LRRC63: variants seen among roughly 807,000 people sequenced by gnomAD.
The protein encoded by LRRC63 is leucine rich repeat containing 63, also known as leucine-rich repeat-containing protein 63.
LRRC63 carries 40 observed loss-of-function variants against 49.5 expected under a neutral mutation model. The observed-to-expected ratio is 0.81, with a 90% CI of 0.63 to 1.05. LRRC63 has a LOEUF of 1.05. LRRC63 is among the 50% of genes least tolerant of loss of function. The pLI is 0.00. For synonymous variants in LRRC63, 191 were observed against 221.1 expected, an observed-to-expected ratio of 0.86 and a Z score of 1.21; for missense variants, 636 against 663.1, an observed-to-expected ratio of 0.96 and a Z score of 0.45.
intron 7 of LRRC63, among the ~76,000 whole-genome samples, chr13:46,258,068 C>G (rs1174540058): frequency 1.3e-5 from 2 of 150,848 alleles, no homozygotes; most frequent in Admixed American, 1.3e-4. Context: ...AAGACACTTT[C>G]AGAGGCAAGT....
At chr13:46,266,478 G>C (rs1179753166) in intron 8 of LRRC63, among the ~76,000 whole-genome samples, 2 of 152,094 alleles carry the variant, frequency 1.3e-5, no homozygotes, top group African/African-American at 4.8e-5. Flanking sequence ...TTTCCATAGT[G>C]ATGACATATT....
At chr13:46,212,730 G>C (rs1260200406) in intron 1 of LRRC63, among the ~76,000 whole-genome samples, 1 of 152,132 alleles carries the variant, frequency 6.6e-6, no homozygotes, top group Non-Finnish European at 1.5e-5. Flanking sequence ...TACTAACATG[G>C]AAAATTGTAG....
At chr13:46,221,681 G>A (rs1485763561) in intron 2 of LRRC63, among the ~76,000 whole-genome samples, 1 of 152,148 alleles carries the variant, frequency 6.6e-6, no homozygotes, top group Admixed American at 6.5e-5. Context: ...AGTGCCATAT[G>A]GATCAAAGTT....
chr13:46,212,859 CTTTT>C, intron 1 of LRRC63, 139 bp from the exon 2 acceptor site: 2 of 501,448 alleles, frequency 4.0e-6, no homozygotes, highest in Non-Finnish European at 7.0e-6. Context: ...TTCTTACCCT[CTTTT>C]TTTTTCATAA....
chr13:46,242,080 A>G (rs1307208022), intron 5 of LRRC63, among the ~76,000 whole-genome samples: 1 of 152,216 alleles, frequency 6.6e-6, no homozygotes, highest in Non-Finnish European at 1.5e-5. Flanking sequence ...CACATCGATG[A>G]TAGACTGGAT....
intron 4 of LRRC63, among the ~76,000 whole-genome samples, chr13:46,229,445 G>A (rs1217205516): frequency 2.6e-5 from 4 of 152,220 alleles, no homozygotes; most frequent in African/African-American, 9.6e-5. Context: ...AAGAAGGGAA[G>A]CTCTGCCTTT....
intron 2 of LRRC63, among the ~76,000 whole-genome samples, chr13:46,216,731 G>C (rs2046262140): frequency 6.6e-6 from 1 of 151,980 alleles, no homozygotes; most frequent in African/African-American, 2.4e-5. Context: ...TATGATATTG[G>C]TTGTGGGTTT....
chr13:46,264,685 G>A (rs2047659216), intron 8 of LRRC63, among the ~76,000 whole-genome samples: 1 of 138,712 alleles, frequency 7.2e-6, no homozygotes, highest in Non-Finnish European at 1.5e-5. Flanking sequence ...CCTTTGCTTT[G>A]TGTGTTCTAT....
Position 46,250,389 on chromosome 13 carries a change from T to C in LRRC63, c.1124T>C (p.Leu375Ser), listed in dbSNP as rs1356538554. The change falls in exon 7 of 10, where the codon TTG becomes TCG. Residue 375 changes from leucine (L) to serine (S), a missense_variant. Physicochemically the swap from Leu to Ser is moderately radical, Grantham distance 145. Transcript: ENST00000595396. The stretch of plus-strand genomic sequence containing the variant: ...CTTAAAAATTTACAAATACTGAAAT[T>C]GAGAAATAATCCTATCAAAGAAATT... The C allele has an allele frequency of 5.3e-6, 8 of 1,522,506 alleles. No homozygotes were observed. In the Admixed American group the frequency reaches 1.0e-4, roughly 19 times the overall value. The allele number at this position is 1,522,506 out of a possible 1,614,324, so 94.3% of individuals were successfully genotyped here.
intron 5 of LRRC63, among the ~76,000 whole-genome samples, chr13:46,237,601 G>A (rs2046939329): frequency 6.6e-6 from 1 of 151,888 alleles, no homozygotes; most frequent in South Asian, 2.1e-4. Context: ...AATGATAAGA[G>A]CAGAGATAAA....
At chr13:46,236,548 T>C (rs1361454009) in intron 5 of LRRC63, among the ~76,000 whole-genome samples, 1 of 152,102 alleles carries the variant, frequency 6.6e-6, no homozygotes, top group Non-Finnish European at 1.5e-5. Context: ...AAAAGCAATC[T>C]GTCAACCAAA....
intron 3 of LRRC63, 62 bp downstream of exon 3, chr13:46,228,251 A>G (rs980964589): frequency 1.6e-5 from 20 of 1,248,926 alleles, no homozygotes; most frequent in Admixed American, 5.3e-5. Context: ...GAGAGAAGGC[A>G]TGCAAGCTAA....
intron 9 of LRRC63, 68 bp downstream of exon 9, chr13:46,267,040 G>T: frequency 7.1e-7 from 1 of 1,400,872 alleles, no homozygotes; most frequent in Non-Finnish European, 9.4e-7. Context: ...TTCATTACAG[G>T]CTTAGATGAC....
chr13:46,230,600 G>A (rs1484868877), intron 4 of LRRC63, among the ~76,000 whole-genome samples: 1 of 152,128 alleles, frequency 6.6e-6, no homozygotes, highest in African/African-American at 2.4e-5. Context: ...CTATGGGAGG[G>A]GCTGCCACAA....
chr13:46,265,826 A>G (rs1221474568), intron 8 of LRRC63, among the ~76,000 whole-genome samples: 1 of 152,198 alleles, frequency 6.6e-6, no homozygotes, highest in Admixed American at 6.5e-5. Flanking sequence ...TTTTCAGACC[A>G]TGAGAGGTGA....
intron 1 of LRRC63, among the ~76,000 whole-genome samples, chr13:46,212,676 A>C (rs1356791077): frequency 6.6e-6 from 1 of 152,228 alleles, no homozygotes; most frequent in Non-Finnish European, 1.5e-5. Context: ...ATTCTGAAAA[A>C]TCAGTATTTA....
intron 4 of LRRC63, 149 bp from the exon 5 acceptor site, chr13:46,234,043 A>G: frequency 3.0e-6 from 2 of 662,752 alleles, no homozygotes; most frequent in South Asian, 2.6e-5. Flanking sequence ...GTTTGGGTAG[A>G]TGAAGGCTAT....
At chr13:46,234,067 C>G (rs1489858975) in intron 4 of LRRC63, 125 bp from the exon 5 acceptor site, 1 of 825,504 alleles carries the variant, frequency 1.2e-6, no homozygotes, top group African/African-American at 1.7e-5. Flanking sequence ...GAATCCCTGC[C>G]AGAGGATGTG....
chr13:46,270,427 A>G (rs1449091530), intron 9 of LRRC63: 3 of 797,726 alleles, frequency 3.8e-6, no homozygotes, highest in Non-Finnish European at 6.9e-6. Flanking sequence ...GTGTTAGAGG[A>G]TGTTCGATGG....
Sources: allele counts gnomAD v4.1 joint callset (sites outside exome capture counted in the v4.1 genomes callset), GRCh38; gene constraint gnomAD v4.1.1; transcripts MANE v1.5; gene names NCBI Gene and HGNC (gene_info 2026-07-23, HGNC 2026-07-21).